APBA2: variants seen among roughly 807,000 people sequenced by gnomAD.
The protein encoded by APBA2 is amyloid beta precursor protein binding family A member 2, also known as amyloid-beta A4 precursor protein-binding family A member 2.
A neutral mutation model predicts 75.0 loss-of-function variants in APBA2; 30 were observed. That is an observed-to-expected ratio of 0.40 (90% CI 0.30 to 0.54). APBA2 has a LOEUF of 0.54. Among genes scored for constraint, APBA2 ranks in the 20% least tolerant of loss-of-function variants. The probability of loss-of-function intolerance (pLI) is 0.49; values close to 1 mark genes in which losing one functional copy is unlikely to be tolerated. For synonymous variants in APBA2, 444 were observed against 409.6 expected (o/e 1.08, Z -1.01); for missense variants, 801 against 1,016.1 (o/e 0.79, Z 2.88).
chr15:28,996,619 C>A (rs1407466747), intron 3 of APBA2, among the ~76,000 whole-genome samples: 1 of 152,036 alleles, frequency 6.6e-6, no homozygotes, highest in Non-Finnish European at 1.5e-5. Context: ...CAGGGTGGGG[C>A]GTGTTTGGAG....
chr15:28,979,363 C>T (rs559254782), intron 2 of APBA2, among the ~76,000 whole-genome samples: 51 of 152,352 alleles, frequency 3.3e-4, no homozygotes, highest in African/African-American at 1.2e-3. Flanking sequence ...CTGGAATTTG[C>T]TTCGGGCCTC....
chr15:28,896,176 C>G (rs2032473238), intron 1 of APBA2, among the ~76,000 whole-genome samples: 1 of 152,138 alleles, frequency 6.6e-6, no homozygotes, highest in African/African-American at 2.4e-5. Context: ...GTGGAGAGCA[C>G]CTCTGTGAGT....
rs866036174 is a variant in APBA2, at chr15:29,052,469, G to A, written c.-40-1376G>A. ...GACTCCATCTCAAAAAAAAAAAAAA[G>A]AAGTAGAACGTTAAGCAAACTTTTG... On this transcript the variant is annotated intron_variant, in intron 3 of 14. Coordinates refer to ENST00000683413, the MANE Select transcript of APBA2 (RefSeq NM_001353788.2). 6.1e-3 allele frequency among the ~76,000 whole-genome samples: 634 copies of A among 103,936 alleles called. 1 individual carries two copies. The highest frequency in any genetic ancestry group is 0.018 in the African/African-American group (258 of 14,176). The allele number at this position is 103,936 out of a possible 152,430, so 68.2% of individuals were successfully genotyped here. A position where few individuals can be genotyped will look rare whatever the true frequency, so the allele number is the denominator to read the frequency against.
rs28722492 is a variant in APBA2 at position 28,924,253 on chromosome 15, T to A, written c.-95+2504T>A. Among the ~76,000 whole-genome samples the A allele has an allele frequency of 3.8e-3, 572 of 150,716 alleles. 2 individuals carry two copies. Among genetic ancestry groups the A allele is most frequent in the Non-Finnish European group, 5.1e-3 (344 of 67,942 alleles). ...TGATGTCATCTGTAGGTTTTTTTTT[T>A]AAAAAAGTGGGTAAAATTCATATAA... On this transcript the variant is annotated intron_variant, in intron 2 of 14. Transcript: ENST00000683413.
intron 8 of APBA2, 130 bp from the exon 9 acceptor site, chr15:29,098,360 A>G (rs902911229): frequency 4.1e-6 from 3 of 724,820 alleles, no homozygotes; most frequent in Non-Finnish European, 7.6e-6. Flanking sequence ...ATGAAATGAT[A>G]TATTGTTGTG....
chr15:28,951,126 C>T (rs2035845465), intron 2 of APBA2, among the ~76,000 whole-genome samples: 1 of 152,120 alleles, frequency 6.6e-6, no homozygotes. Flanking sequence ...TGTCATCATT[C>T]CTTAAACAAT....
chr15:29,045,098 TCTCTC>T (rs2041250186), intron 3 of APBA2, among the ~76,000 whole-genome samples: 9 of 128,744 alleles, frequency 7.0e-5, no homozygotes, highest in African/African-American at 1.4e-4. Flanking sequence ...TCTCTCTCTC[TCTCTC>T]GTCTCGCACT....
intron 13 of APBA2, 82 bp downstream of exon 13, chr15:29,108,471 G>A (rs1322093583): frequency 6.2e-7 from 1 of 1,604,842 alleles, no homozygotes; most frequent in South Asian, 1.1e-5. Context: ...AATGGGGCAG[G>A]CTATGTCTGG....
Position 28,942,635 on chromosome 15 carries a change from C to T in APBA2, c.-95+20886C>T, listed in dbSNP as rs560553526. Among the ~76,000 whole-genome samples the T allele has an allele frequency of 1.6e-3, 247 of 152,294 alleles. 1 individual carries two copies. Among genetic ancestry groups the T allele is most frequent in the African/African-American group, 5.8e-3 (241 of 41,572 alleles). Reference sequence around the variant, plus strand: ...GACTGCCAGGGTCTTCCTGCCAGCGCGGGATCCCCCACTTTCCATTTCCTC... The same window carrying T: ...GACTGCCAGGGTCTTCCTGCCAGCGTGGGATCCCCCACTTTCCATTTCCTC... On this transcript the variant is annotated intron_variant, in intron 2 of 14. Transcript: ENST00000683413.
At chr15:29,060,207 G>A (rs181645251) in intron 4 of APBA2, among the ~76,000 whole-genome samples, 5 of 152,280 alleles carry the variant, frequency 3.3e-5, no homozygotes, top group East Asian at 3.9e-4. Context: ...CGTGGGTGCC[G>A]GTGGAGGTGG....
chr15:28,911,577 C>T (rs2033430823), intron 1 of APBA2, among the ~76,000 whole-genome samples: 2 of 152,174 alleles, frequency 1.3e-5, no homozygotes, highest in African/African-American at 2.4e-5. Flanking sequence ...AGCATGTGTT[C>T]TTTTTCTTTG....
intron 3 of APBA2, among the ~76,000 whole-genome samples, chr15:29,010,024 A>G (rs889646041): frequency 2.2e-4 from 34 of 152,164 alleles, no homozygotes; most frequent in Admixed American, 1.2e-3. Flanking sequence ...CCCACCTGCA[A>G]ATAGGAGTTT....
At chr15:28,896,365 C>T (rs1303078910) in intron 1 of APBA2, among the ~76,000 whole-genome samples, 11 of 152,280 alleles carry the variant, frequency 7.2e-5, no homozygotes, top group Admixed American at 2.0e-4. Context: ...CTGCAAGCTC[C>T]GCCTCCCGGG....
chr15:28,965,085 T>G (rs935085037), intron 2 of APBA2, among the ~76,000 whole-genome samples: 5 of 152,092 alleles, frequency 3.3e-5, no homozygotes, highest in African/African-American at 1.2e-4. Flanking sequence ...ATTTTTTTTT[T>G]CTACATGTCT....
chr15:29,114,044 G>A, intron 14 of APBA2, 28 bp downstream of exon 14: 1 of 1,613,434 alleles, frequency 6.2e-7, no homozygotes, highest in Non-Finnish European at 8.5e-7. Context: ...GTGTGCCTCT[G>A]CATGCCGGTT....
intron 3 of APBA2, among the ~76,000 whole-genome samples, chr15:29,045,228 G>A (rs1297792320): frequency 4.7e-5 from 7 of 150,312 alleles, no homozygotes; most frequent in African/African-American, 1.7e-4. Flanking sequence ...ACAGGTGCAC[G>A]CCACCATGCC....
intron 3 of APBA2, among the ~76,000 whole-genome samples, chr15:29,006,340 A>G (rs2039115064): frequency 6.6e-6 from 1 of 152,242 alleles, no homozygotes; most frequent in African/African-American, 2.4e-5. Flanking sequence ...AAAAAATTCC[A>G]TTAACCAAGG....
chr15:29,088,506 G>A (rs74692388), intron 6 of APBA2, among the ~76,000 whole-genome samples: 1,886 of 152,200 alleles, frequency 0.012, 18 homozygotes, highest in Non-Finnish European at 0.019. Context: ...ATTGTCTAGC[G>A]TCCTCATCTT....
intron 3 of APBA2, among the ~76,000 whole-genome samples, chr15:29,043,180 T>C (rs2041138484): frequency 1.3e-5 from 2 of 152,200 alleles, no homozygotes; most frequent in Admixed American, 6.5e-5. Context: ...TTGTGAGATA[T>C]TGAAAATGCC....
Sources: gnomAD v4.1 joint callset for allele counts (sites outside exome capture counted in the v4.1 genomes callset) on GRCh38, gnomAD v4.1.1 for gene constraint, MANE v1.5 for transcripts, NCBI Gene and HGNC (gene_info 2026-07-23, HGNC 2026-07-21) for gene names.